The following MSANTD7 variants were observed in gnomAD, a reference collection of about 807,000 sequenced individuals.
MSANTD7 encodes zinc finger and SCAN domain containing 29.
the MSANTD7 span, among the ~76,000 whole-genome samples, chr10:14,841,623 C>T: frequency 6.6e-6 from 1 of 152,150 alleles, no homozygotes; most frequent in Non-Finnish European, 1.5e-5. Context: ...TTTTATGCTG[C>T]TGTTTGAGGG....
chr10:14,845,513 T>C, the MSANTD7 span: 1 of 985,320 alleles, frequency 1.0e-6, no homozygotes, highest in Non-Finnish European at 1.2e-6. Flanking sequence ...GTAGAATATG[T>C]TGGAATCTAG....
chr10:14,845,562 C>T, the MSANTD7 span: 2 of 977,440 alleles, frequency 2.0e-6, no homozygotes, highest in Non-Finnish European at 2.4e-6. Flanking sequence ...CAGTTTGTTT[C>T]ATCAGACAAA....
the MSANTD7 span, chr10:14,840,205 A>G: frequency 2.1e-6 from 2 of 939,172 alleles, no homozygotes; most frequent in East Asian, 2.8e-5. Flanking sequence ...GAACATGTTC[A>G]TAAATTCTAA....
At chr10:14,838,557 A>C in the MSANTD7 span, 1 of 1,239,576 alleles carries the variant, frequency 8.1e-7, no homozygotes, top group Non-Finnish European at 1.1e-6. Context: ...TCGCCGGCCT[A>C]GGGATGTCGT....
the MSANTD7 span, chr10:14,838,479 G>T: frequency 1.3e-6 from 2 of 1,589,964 alleles, no homozygotes; most frequent in Non-Finnish European, 1.7e-6. Context: ...TGCGGAGCTG[G>T]GCTAGGGCTT....
chr10:14,844,893 A>G, the MSANTD7 span: 4 of 985,198 alleles, frequency 4.1e-6, no homozygotes, highest in Non-Finnish European at 4.8e-6. Flanking sequence ...TTTGTCTAGT[A>G]TGTTATACAG....
the MSANTD7 span, chr10:14,838,367 C>A: frequency 1.9e-6 from 3 of 1,576,254 alleles, no homozygotes; most frequent in South Asian, 2.3e-5. Context: ...TGTTGGGGGA[C>A]CCCCTCATTC....
At chr10:14,840,219 T>A in the MSANTD7 span, 1 of 855,830 alleles carries the variant, frequency 1.2e-6, no homozygotes, top group South Asian at 2.9e-5. Context: ...ATTCTAAGCA[T>A]AATGTGAAAA....
chr10:14,838,630 G>T, the MSANTD7 span: 2 of 616,596 alleles, frequency 3.2e-6, no homozygotes, highest in South Asian at 4.4e-5. Flanking sequence ...CCTCGCGCCT[G>T]GCGATTCCTC....
the MSANTD7 span, among the ~76,000 whole-genome samples, chr10:14,840,356 A>G: frequency 1.3e-4 from 20 of 152,162 alleles, no homozygotes; most frequent in Non-Finnish European, 2.6e-4. Flanking sequence ...GGATTCACTC[A>G]GATGTTAGTT....
chr10:14,843,869 G>A, the MSANTD7 span: 26 of 1,536,290 alleles, frequency 1.7e-5, no homozygotes, highest in East Asian at 2.4e-5. Flanking sequence ...TTGCTTCAGA[G>A]GTTGATTTCG....
chr10:14,844,167 C>T, the MSANTD7 span: 7 of 1,263,608 alleles, frequency 5.5e-6, no homozygotes, highest in East Asian at 1.7e-4. Flanking sequence ...AGATGTGAAG[C>T]AGTTTACCTC....
the MSANTD7 span, among the ~76,000 whole-genome samples, chr10:14,839,339 C>T: frequency 5.1e-3 from 769 of 152,254 alleles, 5 homozygotes; most frequent in Non-Finnish European, 6.6e-3. Flanking sequence ...TTTGGGAAGC[C>T]GAGGCAGGCG....
chr10:14,843,247 C>T, the MSANTD7 span: 1 of 1,195,034 alleles, frequency 8.4e-7, no homozygotes, highest in Non-Finnish European at 1.2e-6. Context: ...CTTCCCAGTC[C>T]CTGGTGGAAA....
At chr10:14,840,053 TA>T in the MSANTD7 span, 4 of 1,210,768 alleles carry the variant, frequency 3.3e-6, no homozygotes, top group Admixed American at 2.6e-5. Context: ...TATATATATA[TA>T]TATATTATTT....
the MSANTD7 span, chr10:14,846,226 G>C: frequency 1.0e-6 from 1 of 975,732 alleles, no homozygotes; most frequent in Non-Finnish European, 1.2e-6. Flanking sequence ...GTCAATTATA[G>C]GTAGGTAGGT....
At chr10:14,839,881 T>C in the MSANTD7 span, 1 of 1,581,790 alleles carries the variant, frequency 6.3e-7, no homozygotes, top group Non-Finnish European at 8.7e-7. Flanking sequence ...AATGAGACTA[T>C]GTATTTCGTG....
the MSANTD7 span, chr10:14,845,409 C>T: frequency 3.7e-3 from 3,688 of 985,226 alleles, 12 homozygotes; most frequent in Middle Eastern, 0.021. Context: ...GAGAAATGGT[C>T]AGAGCAGCAG....
At chr10:14,842,528 A>G in the MSANTD7 span, 4 of 1,536,186 alleles carry the variant, frequency 2.6e-6, no homozygotes, top group South Asian at 1.2e-5. This position sits in a 1 kb window ranked among gnomAD's most constrained non-coding sequence, Gnocchi z 5.2. Flanking sequence ...TGCCCATGCC[A>G]CAAGTATGGG....
Sources: allele counts gnomAD v4.1 joint callset (sites outside exome capture counted in the v4.1 genomes callset), GRCh38; gene constraint gnomAD v4.1.1; non-coding constraint Gnocchi (gnomAD v3.1); transcripts MANE v1.5; gene names NCBI Gene and HGNC (gene_info 2026-07-23, HGNC 2026-07-21).